STX8: variants seen among roughly 807,000 people sequenced by gnomAD.
STX8 encodes syntaxin-8.
In STX8, 23 loss-of-function variants were observed where a neutral mutation model predicts 37.5. That is an observed-to-expected ratio of 0.61 (90% confidence interval 0.44 to 0.87). The LOEUF is 0.87. STX8 is among the 40% of genes least tolerant of loss of function. The pLI is 0.00. For missense variants in STX8, 313 were observed against 284.7 expected, an observed-to-expected ratio of 1.10 and a Z score of -0.71; for synonymous variants, 115 against 99.1, an observed-to-expected ratio of 1.16 and a Z score of -0.95.
At chr17:9,504,776 C>T (rs1228161707) in intron 5 of STX8, among the ~76,000 whole-genome samples, 1 of 151,770 alleles carries the variant, frequency 6.6e-6, no homozygotes, top group Admixed American at 6.6e-5. Flanking sequence ...AGATCAAGAC[C>T]ATCCTGGCTA....
At chr17:9,364,556 T>G (rs7220813) in intron 7 of STX8, among the ~76,000 whole-genome samples, 47,743 of 151,330 alleles carry the variant, frequency 0.32, 9,036 homozygotes, top group African/African-American at 0.55. Flanking sequence ...TTGAGACAGT[T>G]TTTTGCTCTT....
intron 6 of STX8, among the ~76,000 whole-genome samples, chr17:9,408,626 A>G (rs1194137008): frequency 5.9e-5 from 9 of 152,174 alleles, no homozygotes; most frequent in African/African-American, 1.9e-4. Flanking sequence ...TTACTCATAC[A>G]TCCTTTCACT....
chr17:9,551,083 A>G (rs1906743583), intron 3 of STX8, among the ~76,000 whole-genome samples: 1 of 152,226 alleles, frequency 6.6e-6, no homozygotes, highest in African/African-American at 2.4e-5. Context: ...CTCAAAAAAA[A>G]ATAGAATTTA....
chr17:9,299,023 G>C (rs1908667933), intron 7 of STX8, among the ~76,000 whole-genome samples: 1 of 152,082 alleles, frequency 6.6e-6, no homozygotes, highest in Admixed American at 6.6e-5. Context: ...TCTCTTGTCG[G>C]TGTTTTGCGA....
intron 6 of STX8, among the ~76,000 whole-genome samples, chr17:9,472,095 A>T (rs1205956392): frequency 6.6e-6 from 1 of 151,870 alleles, no homozygotes; most frequent in East Asian, 1.9e-4. Context: ...TTCAAAAGAA[A>T]AAACAAAGTT....
intron 6 of STX8, chr17:9,469,274 T>G (rs894473471): frequency 3.3e-5 from 5 of 152,124 alleles, no homozygotes; most frequent in Non-Finnish European, 7.3e-5. Context: ...TGACCCACTT[T>G]AAAGCCAGCT....
At chr17:9,562,129 C>A (rs988588040) in intron 2 of STX8, among the ~76,000 whole-genome samples, 2 of 150,850 alleles carry the variant, frequency 1.3e-5, no homozygotes, top group East Asian at 3.9e-4. Context: ...TTCGGCCGGG[C>A]GCAGTGGCTC....
At chr17:9,423,424 C>G (rs1417609822) in intron 6 of STX8, among the ~76,000 whole-genome samples, 4 of 152,212 alleles carry the variant, frequency 2.6e-5, no homozygotes, top group Admixed American at 1.3e-4. Context: ...CTCCCGGGTT[C>G]AAGCAATCCT....
chr17:9,496,077 T>TTC (rs1312080497), intron 5 of STX8, among the ~76,000 whole-genome samples: 89 of 1,582 alleles, frequency 0.056, 1 homozygote, highest in East Asian at 0.16. Flanking sequence ...TTCTTTCTCT[T>TTC]TTTTTTTTTT....
At chr17:9,387,154 G>A (rs763709512) in intron 6 of STX8, among the ~76,000 whole-genome samples, 2 of 152,168 alleles carry the variant, frequency 1.3e-5, no homozygotes, top group Admixed American at 6.5e-5. Context: ...AAGTGATTTC[G>A]AGATCTTGTG....
intron 4 of STX8, among the ~76,000 whole-genome samples, chr17:9,530,006 A>G (rs1004051994): frequency 1.3e-5 from 2 of 151,952 alleles, no homozygotes; most frequent in African/African-American, 4.8e-5. Flanking sequence ...AACAAAACAA[A>G]ACAAAAAATA....
rs183972835 is a variant in STX8 at position 9,348,691 on chromosome 17, A to G, written c.643+29861T>C. ...AGGAAGCTCAAGGTCTAGTGAGAAG[A>G]TAAACATCCGAACAATTTCACCACA... On this transcript the variant is annotated intron_variant, in intron 7 of 7. Coordinates refer to ENST00000306357, the MANE Select transcript of STX8 (RefSeq NM_004853.3). Among the ~76,000 whole-genome samples the G allele has an allele frequency of 4.1e-4, 62 of 152,316 alleles. No individual in the cohort carries two copies. In the South Asian group the frequency reaches 8.3e-3, roughly 20 times the overall value.
chr17:9,457,014 T>C (rs1187612026), intron 6 of STX8, among the ~76,000 whole-genome samples: 1 of 152,100 alleles, frequency 6.6e-6, no homozygotes, highest in Non-Finnish European at 1.5e-5. Flanking sequence ...TAGCAGAAAA[T>C]GAGACTCGAA....
chr17:9,399,300 G>C (rs1374592244), intron 6 of STX8, among the ~76,000 whole-genome samples: 1 of 152,050 alleles, frequency 6.6e-6, no homozygotes, highest in African/African-American at 2.4e-5. Flanking sequence ...AACAATTCCC[G>C]AGTGGCTCCT....
chr17:9,490,628 G>GTGT (rs1244855426), intron 6 of STX8, among the ~76,000 whole-genome samples: 1 of 152,160 alleles, frequency 6.6e-6, no homozygotes, highest in Non-Finnish European at 1.5e-5. Flanking sequence ...GCCTCCCAAA[G>GTGT]TGTTGGAATT....
chr17:9,261,186 C>G (rs963400166), intron 7 of STX8, among the ~76,000 whole-genome samples: 4 of 152,180 alleles, frequency 2.6e-5, no homozygotes, highest in African/African-American at 7.2e-5. Context: ...GGCCGTGGAG[C>G]AGCAGTCACG....
intron 7 of STX8, among the ~76,000 whole-genome samples, chr17:9,359,185 G>A (rs182148704): frequency 1.3e-5 from 2 of 151,308 alleles, no homozygotes; most frequent in South Asian, 2.1e-4. Flanking sequence ...TGGGATTACA[G>A]GCGCCTGCCA....
At chr17:9,355,074 G>T (rs1597621373) in intron 7 of STX8, among the ~76,000 whole-genome samples, 1 of 152,174 alleles carries the variant, frequency 6.6e-6, no homozygotes, top group East Asian at 1.9e-4. Flanking sequence ...CTCTTTAACT[G>T]GGTGCTCTGA....
intron 2 of STX8, among the ~76,000 whole-genome samples, chr17:9,560,054 G>A (rs563980467): frequency 4.0e-5 from 6 of 150,024 alleles, no homozygotes; most frequent in South Asian, 2.1e-4. Context: ...GAGCCACCGC[G>A]CCCAGACTGA....
Sources: allele counts gnomAD v4.1 joint callset (sites outside exome capture counted in the v4.1 genomes callset), GRCh38; gene constraint gnomAD v4.1.1; transcripts MANE v1.5; gene names NCBI Gene and HGNC (gene_info 2026-07-23, HGNC 2026-07-21).